Variants in GSTT4 observed in about 807,000 individuals in gnomAD.
The protein encoded by GSTT4 is glutathione S-transferase theta 4.
intron 2 of GSTT4, among the ~76,000 whole-genome samples, chr22:24,001,614 C>T (rs2034232511): frequency 6.6e-6 from 1 of 152,262 alleles, no homozygotes; most frequent in East Asian, 1.9e-4. Context: ...ATCACTTGAT[C>T]CCAGGAATTT....
At chr22:24,000,808 G>A (rs1402608567) in intron 3 of GSTT4, among the ~76,000 whole-genome samples, 3 of 112,880 alleles carry the variant, frequency 2.7e-5, no homozygotes, top group Admixed American at 8.8e-5. Flanking sequence ...TGATCTGCCC[G>A]CCTCGGCCTC....
At chr22:23,997,025 A>G (rs969601254), downstream of GSTT4, among the ~76,000 whole-genome samples, 4 of 151,978 alleles carry the variant, frequency 2.6e-5, no homozygotes, top group African/African-American at 9.7e-5. Flanking sequence ...TTACAGGCCT[A>G]TTAAAATTTT....
At chr22:24,002,915 G>T (rs138707614) in intron 2 of GSTT4, among the ~76,000 whole-genome samples, 102 of 151,632 alleles carry the variant, frequency 6.7e-4, no homozygotes, top group African/African-American at 2.2e-3. Context: ...ATAGAGTTTT[G>T]AACAGGAGCC....
intron 2 of GSTT4, among the ~76,000 whole-genome samples, chr22:24,002,756 G>T (rs1378738318): frequency 1.5e-5 from 1 of 68,530 alleles, no homozygotes; most frequent in Non-Finnish European, 3.7e-5. Context: ...GCGTGAACCC[G>T]GGAGGCGGAG....
intron 2 of GSTT4, among the ~76,000 whole-genome samples, chr22:24,002,026 G>A (rs890635788): frequency 4.6e-5 from 7 of 152,218 alleles, no homozygotes; most frequent in African/African-American, 1.2e-4. Flanking sequence ...GCTGAAATAC[G>A]AGGGTAAAGG....
chr22:23,992,170 G>A, the GSTT4 span, among the ~76,000 whole-genome samples: 8 of 140,932 alleles, frequency 5.7e-5, no homozygotes, highest in Admixed American at 3.6e-4. Context: ...GACTGCCTGC[G>A]GGGCTGCCAG....
At chr22:23,993,912 TG>T (rs2034091744), downstream of GSTT4, among the ~76,000 whole-genome samples, 1 of 152,052 alleles carries the variant, frequency 6.6e-6, no homozygotes, top group Non-Finnish European at 1.5e-5. Context: ...TACACGTTTA[TG>T]GGGAGTTTTC....
Position 23,998,535 on chromosome 22 carries a change from C to G in GSTT4, c.*7G>C, listed in dbSNP as rs896882134. On this transcript the variant is annotated 3_prime_UTR_variant, in exon 5 of 5. Coordinates refer to ENST00000621179, the MANE Select transcript of GSTT4 (RefSeq NM_001358664.2). ...GCCAGGCCCTGCGGGACAGGCTGCG[C>G]CTAGGGTCACCTGCTCTTCTTCAGC... The G allele has an allele frequency of 5.9e-5, 9 of 151,614 alleles. No homozygotes were observed. Among genetic ancestry groups the G allele is most frequent in the African/African-American group, 2.2e-4 (9 of 40,916 alleles). 9.4% of individuals were successfully genotyped at this position (151,614 alleles called of 1,614,324 possible).
the GSTT4 span, among the ~76,000 whole-genome samples, chr22:23,991,885 C>G: frequency 7.7e-6 from 1 of 130,358 alleles, no homozygotes; most frequent in African/African-American, 2.7e-5. Context: ...AAACCCGTCT[C>G]TACTAAAAAT....
intron 1 of GSTT4, among the ~76,000 whole-genome samples, 168 bp from the exon 2 acceptor site, chr22:24,004,015 G>A (rs1328303616): frequency 3.9e-5 from 6 of 152,276 alleles, no homozygotes; most frequent in East Asian, 1.9e-4. Flanking sequence ...TTGCAGAACC[G>A]GACTGCGATC....
intron 2 of GSTT4, among the ~76,000 whole-genome samples, chr22:24,001,789 C>G (rs2034236092): frequency 6.6e-6 from 1 of 152,270 alleles, no homozygotes; most frequent in African/African-American, 2.4e-5. Flanking sequence ...AGTTGGAGAC[C>G]AGCCTGGCCA....
chr22:23,996,635 G>T (rs576395169), downstream of GSTT4, among the ~76,000 whole-genome samples: 1 of 152,294 alleles, frequency 6.6e-6, no homozygotes, highest in South Asian at 2.1e-4. Context: ...ATGCTACACT[G>T]ATTGATTTTT....
downstream of GSTT4, among the ~76,000 whole-genome samples, chr22:23,994,337 C>A (rs2844004): frequency 0.43 from 63,072 of 145,046 alleles, 11,758 homozygotes; most frequent in South Asian, 0.55. Context: ...AGTTTTGTCA[C>A]CATCACAGTT....
the GSTT4 span, among the ~76,000 whole-genome samples, chr22:23,992,964 G>A: frequency 1.2e-5 from 1 of 80,298 alleles, no homozygotes; most frequent in Non-Finnish European, 2.9e-5. Context: ...GTAGAGACGG[G>A]GTCGCACTTT....
At chr22:24,000,570 GT>G (rs999022711) in intron 3 of GSTT4, among the ~76,000 whole-genome samples, 1 of 131,176 alleles carries the variant, frequency 7.6e-6, no homozygotes, top group Non-Finnish European at 1.5e-5. Context: ...TTTTGTTTTT[GT>G]TTTTTGAGAT....
chr22:23,993,553 C>T (rs2034087792), downstream of GSTT4, among the ~76,000 whole-genome samples: 2 of 152,210 alleles, frequency 1.3e-5, no homozygotes, highest in African/African-American at 4.8e-5. Context: ...GGCTGGAGGC[C>T]CCTAGGGGCC....
chr22:23,994,560 G>T (rs1003346534), downstream of GSTT4, among the ~76,000 whole-genome samples: 42 of 151,300 alleles, frequency 2.8e-4, no homozygotes, highest in Non-Finnish European at 4.4e-4. Flanking sequence ...TTAGCATAAT[G>T]GTGTCAAGGT....
the GSTT4 span, among the ~76,000 whole-genome samples, chr22:23,989,615 A>G: frequency 6.7e-6 from 1 of 149,502 alleles, no homozygotes; most frequent in East Asian, 2.0e-4. Flanking sequence ...GTCCCAGCCA[A>G]ACATGTTCCC....
the GSTT4 span, among the ~76,000 whole-genome samples, chr22:23,990,369 G>C: frequency 0.028 from 3,217 of 113,584 alleles, 15 homozygotes; most frequent in African/African-American, 0.084. Context: ...CAACACTTTA[G>C]AAGGAGGAGG....
Sources: gnomAD v4.1 joint callset for allele counts (sites outside exome capture counted in the v4.1 genomes callset) on GRCh38, gnomAD v4.1.1 for gene constraint, MANE v1.5 for transcripts, NCBI Gene and HGNC (gene_info 2026-07-23, HGNC 2026-07-21) for gene names.